The following DIP2A variants were observed in gnomAD, a reference collection of about 807,000 sequenced individuals.
The protein encoded by DIP2A is disco-interacting protein 2 homolog A.
A neutral mutation model predicts 177.4 loss-of-function variants in DIP2A; 85 were observed. That is an observed-to-expected ratio of 0.48 (90% CI 0.40 to 0.57). The LOEUF (loss-of-function observed/expected upper bound fraction) is 0.57. Among genes scored for constraint, DIP2A ranks in the 20% least tolerant of loss-of-function variants. The pLI, the probability that DIP2A is intolerant of heterozygous loss-of-function variation, is 0.00. For missense variants in DIP2A, 1,791 were observed against 2,100.2 expected (o/e 0.85, Z 2.88); for synonymous variants, 886 against 881.8 (o/e 1.00, Z -0.08).
At chr21:46,555,038 C>T (rs2060413956) in intron 28 of DIP2A, 105 bp downstream of exon 28, 2 of 1,200,824 alleles carry the variant, frequency 1.7e-6, no homozygotes, top group Non-Finnish European at 1.2e-6. Flanking sequence ...CAAGAGCAGT[C>T]CTGGCAGGAG....
chr21:46,460,633 A>G (rs1270802182), intron 1 of DIP2A, among the ~76,000 whole-genome samples: 1 of 152,186 alleles, frequency 6.6e-6, no homozygotes, highest in Non-Finnish European at 1.5e-5. Flanking sequence ...CATATAATAC[A>G]ACATGTACTT....
At chr21:46,573,179 G>T (rs890955156), downstream of DIP2A, among the ~76,000 whole-genome samples, 1 of 151,820 alleles carries the variant, frequency 6.6e-6, no homozygotes, top group African/African-American at 2.4e-5. Context: ...AAATGAAAGA[G>T]ATATAAGGCA....
intron 1 of DIP2A, among the ~76,000 whole-genome samples, chr21:46,477,635 A>G (rs2056013140): frequency 7.3e-6 from 1 of 136,984 alleles, no homozygotes; most frequent in Non-Finnish European, 1.5e-5. Flanking sequence ...GTACAGTGCC[A>G]CTATCTCGGC....
intron 1 of DIP2A, chr21:46,469,029 C>T (rs2055117806): frequency 2.6e-5 from 4 of 152,212 alleles, no homozygotes; most frequent in Admixed American, 2.6e-4. Context: ...CCAACCTTCA[C>T]AGAATAAAGT....
In DIP2A at chr21:46,541,868, C is replaced by G; in HGVS notation, c.2149C>G (p.Gln717Glu). ...AGAAAAGTTGTCAGTCCTTACTGTT[C>G]AGGACGTTGGTCAGGTGATGCCTGG... ...TEEKLSVLTV[Q>E]DVGQVMPGAN... Residue 717 changes from glutamine (Q) to glutamate (E), a missense_variant, in exon 18 of 38, where the codon CAG (glutamine) becomes GAG (glutamate). By Grantham distance (29) the Gln-to-Glu change is conservative. Transcript: ENST00000417564. The G allele has an allele frequency of 6.2e-7, 1 of 1,614,034 alleles. No homozygotes were observed. The highest frequency in any genetic ancestry group is 1.1e-5 in the South Asian group (1 of 91,076).
chr21:46,559,484 C>T (rs1160326880), intron 32 of DIP2A, among the ~76,000 whole-genome samples: 1 of 152,176 alleles, frequency 6.6e-6, no homozygotes, highest in Non-Finnish European at 1.5e-5. Context: ...CAAAAAGACC[C>T]CTGACCACTC....
rs146303223 is a variant in DIP2A at position 46,518,036 on chromosome 21, C to T, written c.1102+6422C>T. Reference sequence around the variant, plus strand: ...TCTGCCACCAGTACCCTCTCCTACTCGGAAGCAGAGTCTTCCACCATTGTG... The same window carrying T: ...TCTGCCACCAGTACCCTCTCCTACTTGGAAGCAGAGTCTTCCACCATTGTG... On this transcript the variant is annotated intron_variant, in intron 8 of 37. Transcript: ENST00000417564. 6.0e-3 allele frequency among the ~76,000 whole-genome samples: 918 copies of T among 152,370 alleles called. 8 individuals are homozygous for T. Among genetic ancestry groups the T allele is most frequent in the Middle Eastern group, 0.02 (6 of 294 alleles).
chr21:46,473,665 G>A (rs2055596726), intron 1 of DIP2A, among the ~76,000 whole-genome samples: 1 of 152,086 alleles, frequency 6.6e-6, no homozygotes, highest in East Asian at 1.9e-4. Context: ...ACAGGCGTGT[G>A]CCACCACGCC....
intron 6 of DIP2A, among the ~76,000 whole-genome samples, chr21:46,506,724 T>TTTCTTTCTTTCTTCCTTTCTTTCTTTC (rs149327676): frequency 1.1e-4 from 9 of 78,884 alleles, no homozygotes; most frequent in Non-Finnish European, 1.5e-4. Flanking sequence ...TTGTGCTTGT[T>TTTCTTTCTTTCTTCCTTTCTTTCTTTC]TTTCTTTCTT....
chr21:46,473,249 G>A (rs1273725259), intron 1 of DIP2A, among the ~76,000 whole-genome samples: 1 of 152,090 alleles, frequency 6.6e-6, no homozygotes, highest in African/African-American at 2.4e-5. Flanking sequence ...TAAAGGCTAT[G>A]GGGCAGGAGT....
rs1163720056 is a variant in DIP2A at position 46,459,057 on chromosome 21, G to A, written c.-75G>A. On this transcript the variant is annotated 5_prime_UTR_variant, in exon 1 of 38. Coordinates refer to ENST00000417564, the MANE Select transcript of DIP2A (RefSeq NM_015151.4). The stretch of plus-strand genomic sequence containing the variant: ...AGGTTGTTGGCCTGAGGGGAGCTAC[G>A]TAGCCGAGGTTTGCGCTGCCGCCGC... 6.4e-6 allele frequency: 8 copies of A among 1,254,850 alleles called. No individual in the cohort carries two copies. Among genetic ancestry groups the A allele is most frequent in the East Asian group, 3.1e-5 (1 of 32,170 alleles). The allele number at this position is 1,254,850 out of a possible 1,614,324, so 77.7% of individuals were successfully genotyped here.
chr21:46,528,496 A>G (rs532387567), intron 8 of DIP2A, among the ~76,000 whole-genome samples: 5 of 121,282 alleles, frequency 4.1e-5, no homozygotes, highest in Admixed American at 9.4e-5. Flanking sequence ...ACATATACAT[A>G]TGTATACCAA....
In DIP2A at chr21:46,499,823, GA is replaced by G. The variant is rs568601699; in HGVS notation, c.655+998del. Among the ~76,000 whole-genome samples the G allele has an allele frequency of 1.7e-3, 252 of 152,078 alleles. 2 individuals carry two copies. Among genetic ancestry groups the G allele is most frequent in the African/African-American group, 5.7e-3 (237 of 41,492 alleles). On this transcript the variant is annotated intron_variant, in intron 5 of 37. Transcript: ENST00000417564. ...CTTTTTTTCCCAGATGAGGAAGGAA[GA>G]AAAAAAAGTCCAGCGATTGTAACTT...
intron 8 of DIP2A, among the ~76,000 whole-genome samples, chr21:46,520,821 C>T (rs6518300): frequency 2.6e-5 from 4 of 152,092 alleles, no homozygotes; most frequent in Admixed American, 6.5e-5. Context: ...AAGAAAGCCA[C>T]GCATCATTTC....
intron 1 of DIP2A, among the ~76,000 whole-genome samples, chr21:46,470,024 A>G (rs2055209644): frequency 2.0e-5 from 3 of 152,244 alleles, no homozygotes. Context: ...GGCTGATGTG[A>G]TATACATTTA....
chr21:46,532,850 A>G (rs928196843), intron 10 of DIP2A, among the ~76,000 whole-genome samples: 2 of 152,238 alleles, frequency 1.3e-5, no homozygotes, highest in African/African-American at 4.8e-5. Context: ...TAGACAAGGC[A>G]TGAATTTGAG....
At chr21:46,576,807 A>G in the DIP2A span, among the ~76,000 whole-genome samples, 1 of 152,110 alleles carries the variant, frequency 6.6e-6, no homozygotes, top group African/African-American at 2.4e-5. Flanking sequence ...ACGTTTTAAT[A>G]GTTGCCATTC....
rs116946198 is a variant in DIP2A, at chr21:46,489,108, T to G, written c.164-1492T>G. The stretch of plus-strand genomic sequence containing the variant: ...ACACACACAAACACACGTGTGTGTG[T>G]GGGTGTGTGTGTGGATGTGTGTGTG... On this transcript the variant is annotated intron_variant, in intron 2 of 37. Transcript: ENST00000417564. 3.9e-3 allele frequency among the ~76,000 whole-genome samples: 599 copies of G among 151,758 alleles called. 3 individuals are homozygous for G. The highest frequency in any genetic ancestry group is 0.013 in the South Asian group (63 of 4,822).
intron 8 of DIP2A, among the ~76,000 whole-genome samples, chr21:46,516,548 A>G (rs2148661522): frequency 7.6e-6 from 1 of 132,432 alleles, no homozygotes; most frequent in East Asian, 2.3e-4. Context: ...CTGGAGTGCA[A>G]GTGGTGCGAT....
Sources: gnomAD v4.1 joint callset for allele counts (sites outside exome capture counted in the v4.1 genomes callset) on GRCh38, gnomAD v4.1.1 for gene constraint, MANE v1.5 for transcripts, NCBI Gene and HGNC (gene_info 2026-07-23, HGNC 2026-07-21) for gene names.